Variants in VIT observed in about 807,000 individuals in gnomAD.
The protein encoded by VIT is vitrin.
In VIT, 99 loss-of-function variants were observed where a neutral mutation model predicts 78.0. That is an observed-to-expected ratio of 1.27 (90% CI 1.08 to 1.50). The LOEUF (loss-of-function observed/expected upper bound fraction) is 1.50, where lower values mean the gene tolerates loss of function less well. Ranked by LOEUF, VIT falls within the 40% of genes most tolerant of loss-of-function variation. VIT has a pLI of 0.00. For missense variants in VIT, 1,126 were observed against 875.3 expected (o/e 1.29, Z -3.61); for synonymous variants, 374 against 334.3 (o/e 1.12, Z -1.29).
chr2:36,723,230 T>G (rs1666624303), intron 2 of VIT, among the ~76,000 whole-genome samples: 1 of 152,232 alleles, frequency 6.6e-6, no homozygotes, highest in Admixed American at 6.5e-5. Flanking sequence ...TGGCGTGTTT[T>G]CAACATTTTA....
intron 13 of VIT, among the ~76,000 whole-genome samples, chr2:36,802,964 G>T (rs906479896): frequency 1.3e-5 from 2 of 152,208 alleles, no homozygotes; most frequent in Admixed American, 1.3e-4. Flanking sequence ...ACCTCCAAGG[G>T]AGCTGCTCCT....
chr2:36,708,110 T>TCCCCCCCCCCCCCCCCCC (rs141908586), intron 1 of VIT, among the ~76,000 whole-genome samples: 1 of 137,786 alleles, frequency 7.3e-6, no homozygotes, highest in Non-Finnish European at 1.6e-5. Flanking sequence ...GTAAAGGACC[T>TCCCCCCCCCCCCCCCCCC]CCCCCCCCCG....
At chr2:36,751,212 C>G (rs150757109) in intron 4 of VIT, among the ~76,000 whole-genome samples, 1,796 of 152,194 alleles carry the variant, frequency 0.012, 44 homozygotes, top group African/African-American at 0.041. Context: ...CCTGGCCAAC[C>G]TGGTGAAACC....
chr2:36,731,377 G>A (rs1667198334), intron 3 of VIT, among the ~76,000 whole-genome samples: 2 of 152,082 alleles, frequency 1.3e-5, no homozygotes, highest in South Asian at 2.1e-4. Context: ...GGGTTCAAGT[G>A]ATTCTTCTGC....
At chr2:36,718,553 C>G (rs577223601) in intron 2 of VIT, among the ~76,000 whole-genome samples, 2 of 152,282 alleles carry the variant, frequency 1.3e-5, no homozygotes, top group African/African-American at 2.4e-5. Context: ...CTCAGGTAAG[C>G]TACTTTCTCC....
intron 9 of VIT, among the ~76,000 whole-genome samples, chr2:36,775,753 C>T (rs1052697490): frequency 1.8e-4 from 26 of 148,526 alleles, no homozygotes; most frequent in African/African-American, 6.8e-4. Flanking sequence ...CTGAGTGCCT[C>T]AGAGTCTCCC....
At chr2:36,751,078 G>A (rs900494497) in intron 4 of VIT, among the ~76,000 whole-genome samples, 1 of 152,168 alleles carries the variant, frequency 6.6e-6, no homozygotes, top group African/African-American at 2.4e-5. Flanking sequence ...AGGCCAACGT[G>A]GCAAAACCCC....
chr2:36,699,927 C>G (rs1030129443), intron 1 of VIT, among the ~76,000 whole-genome samples: 9 of 152,080 alleles, frequency 5.9e-5, no homozygotes, highest in African/African-American at 1.9e-4. Context: ...GTCTCTTGGC[C>G]TCAGTTTTCT....
intron 3 of VIT, among the ~76,000 whole-genome samples, chr2:36,739,759 C>T (rs114625370): frequency 0.019 from 2,839 of 152,130 alleles, 86 homozygotes; most frequent in African/African-American, 0.066. Context: ...GGTGGGGTCG[C>T]AAAGGGAGAA....
chr2:36,733,256 C>A (rs1227980455), intron 3 of VIT, among the ~76,000 whole-genome samples: 1 of 152,214 alleles, frequency 6.6e-6, no homozygotes, highest in Non-Finnish European at 1.5e-5. Flanking sequence ...TCCGGTTGGA[C>A]TGCAGATGGA....
At chr2:36,769,366 G>C (rs1490016110) in intron 7 of VIT, among the ~76,000 whole-genome samples, 1 of 152,174 alleles carries the variant, frequency 6.6e-6, no homozygotes, top group Non-Finnish European at 1.5e-5. Flanking sequence ...TGAAGTAGTG[G>C]CTCCTAACCT....
In VIT at chr2:36,799,289, C is replaced by T. The variant is rs149419545; in HGVS notation, c.1059-2012C>T. ...GTGACTGGTTTCCTCGTGACTGCACCACTTGTCCCGGTCCGCATGGACTCA... is the reference window on the plus strand; with the variant it reads ...GTGACTGGTTTCCTCGTGACTGCACTACTTGTCCCGGTCCGCATGGACTCA... On this transcript the variant is annotated intron_variant, in intron 12 of 15. Transcript: ENST00000379242. Among the ~76,000 whole-genome samples the T allele has an allele frequency of 4.3e-3, 656 of 152,314 alleles. 3 individuals carry two copies. Among genetic ancestry groups the T allele is most frequent in the South Asian group, 0.018 (86 of 4,826 alleles).
chr2:36,800,262 T>C (rs1465791086), intron 12 of VIT, among the ~76,000 whole-genome samples: 1 of 152,108 alleles, frequency 6.6e-6, no homozygotes, highest in African/African-American at 2.4e-5. Context: ...AGAGAATTGC[T>C]TGAACCCGGG....
chr2:36,741,035 C>T (rs935306271), intron 3 of VIT, among the ~76,000 whole-genome samples: 14 of 152,208 alleles, frequency 9.2e-5, no homozygotes, highest in African/African-American at 3.4e-4. Context: ...CAGCTTGTCA[C>T]TTCCTATTTC....
At chr2:36,765,447 G>GAGAGA (rs759255390) in intron 6 of VIT, among the ~76,000 whole-genome samples, 76 of 148,840 alleles carry the variant, frequency 5.1e-4, no homozygotes, top group Middle Eastern at 3.4e-3. Flanking sequence ...GAGAGAGAGA[G>GAGAGA]GAAAAACTGC....
At chr2:36,724,825 G>A (rs958621155) in intron 2 of VIT, among the ~76,000 whole-genome samples, 3 of 152,110 alleles carry the variant, frequency 2.0e-5, no homozygotes, top group African/African-American at 7.2e-5. Flanking sequence ...CTTGCCTCAG[G>A]CACAGAGGCC....
chr2:36,702,382 A>G (rs1336942918), intron 1 of VIT, among the ~76,000 whole-genome samples: 1 of 150,698 alleles, frequency 6.6e-6, no homozygotes, highest in Non-Finnish European at 1.5e-5. Flanking sequence ...TCTGGATGAA[A>G]TCTGTCAGGC....
intron 12 of VIT, among the ~76,000 whole-genome samples, chr2:36,789,561 G>A (rs1450263789): frequency 2.0e-5 from 3 of 152,062 alleles, no homozygotes; most frequent in East Asian, 3.9e-4. Context: ...AGGCTGAGGG[G>A]GAGACACATT....
chr2:36,721,805 C>G (rs1450905457), intron 2 of VIT, among the ~76,000 whole-genome samples: 1 of 152,208 alleles, frequency 6.6e-6, no homozygotes, highest in Non-Finnish European at 1.5e-5. Flanking sequence ...CCATGCTATC[C>G]TCCAGGAAGC....
Sources: gnomAD v4.1 joint callset for allele counts (sites outside exome capture counted in the v4.1 genomes callset) on GRCh38, gnomAD v4.1.1 for gene constraint, MANE v1.5 for transcripts, NCBI Gene and HGNC (gene_info 2026-07-23, HGNC 2026-07-21) for gene names.